CUL4A: variants seen among roughly 807,000 people sequenced by gnomAD.
The protein encoded by CUL4A is cullin-4A.
In CUL4A, 16 loss-of-function variants were observed where a neutral mutation model predicts 95.5. That is an observed-to-expected ratio of 0.17 (90% confidence interval 0.11 to 0.25). The LOEUF is 0.25. CUL4A is among the 10% of genes least tolerant of loss of function. The pLI, the probability that CUL4A is intolerant of heterozygous loss-of-function variation, is 1.00. For synonymous variants in CUL4A, 380 were observed against 353.1 expected, an observed-to-expected ratio of 1.08 and a Z score of -0.85; for missense variants, 610 against 937.0, an observed-to-expected ratio of 0.65 and a Z score of 4.56.
intron 10 of CUL4A, among the ~76,000 whole-genome samples, chr13:113,240,515 A>G (rs1203360868): frequency 6.6e-6 from 1 of 152,242 alleles, no homozygotes; most frequent in African/African-American, 2.4e-5. Context: ...AACATTTAGC[A>G]AAAGTCTGTG....
At chr13:113,231,498 G>A (rs770107582) in intron 5 of CUL4A, among the ~76,000 whole-genome samples, 36 of 152,310 alleles carry the variant, frequency 2.4e-4, no homozygotes, top group Non-Finnish European at 3.2e-4. Context: ...TTTTTCAGCT[G>A]AGGTTGATGT....
intron 2 of CUL4A, among the ~76,000 whole-genome samples, chr13:113,215,539 C>CG (rs2040631504): frequency 2.8e-5 from 4 of 143,754 alleles, no homozygotes; most frequent in African/African-American, 7.8e-5. Flanking sequence ...GTGGAGGTCT[C>CG]TTTGTGACTA....
intron 18 of CUL4A, among the ~76,000 whole-genome samples, chr13:113,257,505 A>G (rs865981472): frequency 6.6e-6 from 1 of 152,020 alleles, no homozygotes; most frequent in Non-Finnish European, 1.5e-5. Flanking sequence ...GTTTCCAGTC[A>G]TGGTGGAAGG....
At chr13:113,255,238 A>G (rs779229623) in intron 18 of CUL4A, 113 bp downstream of exon 18, 404 of 697,486 alleles carry the variant, frequency 5.8e-4, no homozygotes, top group Non-Finnish European at 8.0e-4. Context: ...CAATAATCCA[A>G]TTTCACTATG....
intron 3 of CUL4A, among the ~76,000 whole-genome samples, chr13:113,223,324 A>G (rs2040970722): frequency 6.6e-6 from 1 of 152,194 alleles, no homozygotes; most frequent in African/African-American, 2.4e-5. Flanking sequence ...CTGCATATTC[A>G]GATTTCTTTT....
rs2042382112 is a variant in CUL4A, at chr13:113,265,467, A to AC, written c.*1888dup. ...CAGTGGTGCAATCTCAGCTCACTGC[A>AC]CCCTCCGCCTCCTGGGTTCAAGCAG... is the stretch of plus-strand genomic sequence containing the variant. On this transcript the variant is annotated 3_prime_UTR_variant, in exon 20 of 20. Transcript: ENST00000375440. 6.6e-6 allele frequency: 1 copy of AC among 152,124 alleles called. No individual in the cohort carries two copies. Among genetic ancestry groups the AC allele is most frequent in the African/African-American group, 2.4e-5 (1 of 41,386 alleles). The allele number at this position is 152,124 out of a possible 1,614,324, so 9.4% of individuals were successfully genotyped here.
chr13:113,232,799 CG>C (rs2041402073), intron 5 of CUL4A, among the ~76,000 whole-genome samples: 1 of 152,074 alleles, frequency 6.6e-6, no homozygotes, highest in African/African-American at 2.4e-5. Flanking sequence ...CTGTTGGAGA[CG>C]GTGGCGGGAG....
chr13:113,222,507 G>C (rs933774143), intron 3 of CUL4A, among the ~76,000 whole-genome samples: 2 of 152,088 alleles, frequency 1.3e-5, no homozygotes, highest in East Asian at 3.9e-4. Context: ...TTGAGGCGGG[G>C]AGGGTCTGTC....
In CUL4A at chr13:113,218,869, A is replaced by G. The variant is rs552346415; in HGVS notation, c.265-76A>G. On this transcript the variant is annotated intron_variant, in intron 2 of 19. Transcript: ENST00000375440. ...GTGCCTTTTTCTTATGATTACAGCT[A>G]TGTTAACAATAGGGTTTTTTTATGA... The G allele has an allele frequency of 6.2e-5, 57 of 920,870 alleles. No individual in the cohort carries two copies. The African/African-American group carries it at 6.6e-4, about 11-fold the overall frequency. The allele number at this position is 920,870 out of a possible 1,614,324, so 57.0% of individuals were successfully genotyped here.
At chr13:113,225,687 G>C (rs1452816787) in intron 3 of CUL4A, among the ~76,000 whole-genome samples, 8 of 152,220 alleles carry the variant, frequency 5.3e-5, no homozygotes, top group African/African-American at 1.7e-4. Context: ...AGAGAGGCTT[G>C]CTGGGAGGTC....
At chr13:113,224,012 A>G (rs924598129) in intron 3 of CUL4A, among the ~76,000 whole-genome samples, 1 of 152,184 alleles carries the variant, frequency 6.6e-6, no homozygotes, top group Non-Finnish European at 1.5e-5. Flanking sequence ...ATGCTGCAGG[A>G]CCACGTGCCA....
At chr13:113,219,943 C>G (rs1250315261) in intron 3 of CUL4A, 1 of 152,238 alleles carries the variant, frequency 6.6e-6, no homozygotes, top group Admixed American at 6.5e-5. Flanking sequence ...CCTCCCAGTA[C>G]TGTAGCTGTC....
intron 3 of CUL4A, among the ~76,000 whole-genome samples, chr13:113,221,971 G>A (rs918276812): frequency 1.3e-5 from 2 of 152,188 alleles, no homozygotes; most frequent in African/African-American, 4.8e-5. Context: ...GGGGCGAAGC[G>A]ATGTCTGGGC....
Position 113,253,085 on chromosome 13 carries a change from A to G in CUL4A, c.1642A>G (p.Ile548Val). ...PMEVHLTPEM[I>V]KLQEVFKAFY... The stretch of plus-strand genomic sequence containing the variant: ...GTTGTTCTCCTATGCTTAACAGATG[A>G]TTAAACTTCAGGAAGTATTTAAGGC... Residue 548 changes from isoleucine (I) to valine (V), a missense_variant, in exon 16 of 20, where the codon ATT (isoleucine) becomes GTT (valine). Transcript: ENST00000375440. 1 of 1,578,128 alleles carries G rather than the reference A, an allele frequency of 6.3e-7. No individual in the cohort carries two copies.
At chr13:113,245,816 C>A in intron 14 of CUL4A, 140 bp from the exon 15 acceptor site, 1 of 666,634 alleles carries the variant, frequency 1.5e-6, no homozygotes, top group Admixed American at 3.0e-5. Flanking sequence ...CATTGGGTTT[C>A]ATGGAATACA....
At chr13:113,226,332 C>T (rs1293287365) in intron 3 of CUL4A, among the ~76,000 whole-genome samples, 1 of 152,190 alleles carries the variant, frequency 6.6e-6, no homozygotes, top group African/African-American at 2.4e-5. Context: ...TATTGTGTTG[C>T]TGACAGGCGG....
chr13:113,208,987 G>C, upstream of CUL4A: 1 of 1,018,788 alleles, frequency 9.8e-7, no homozygotes, highest in Non-Finnish European at 1.2e-6. Flanking sequence ...ACCAGGCCGC[G>C]GAGGACCCTC....
upstream of CUL4A, chr13:113,209,576 A>G: frequency 1.1e-6 from 1 of 937,844 alleles, no homozygotes; most frequent in Non-Finnish European, 1.3e-6. Context: ...GGCGGAGCGG[A>G]GCTCGGCGGG....
chr13:113,234,030 C>T, intron 7 of CUL4A, 44 bp downstream of exon 7: 2 of 1,188,320 alleles, frequency 1.7e-6, no homozygotes, highest in East Asian at 2.4e-5. Flanking sequence ...TTCGTTTCTG[C>T]AGATGAGCAC....
Sources: allele counts gnomAD v4.1 joint callset (sites outside exome capture counted in the v4.1 genomes callset), GRCh38; gene constraint gnomAD v4.1.1; transcripts MANE v1.5; gene names NCBI Gene and HGNC (gene_info 2026-07-23, HGNC 2026-07-21).